The following DNAJB11 variants were observed in gnomAD, a reference collection of about 807,000 sequenced individuals.
DNAJB11 encodes DnaJ heat shock protein family (Hsp40) member B11.
In DNAJB11, 30 loss-of-function variants were observed where a neutral mutation model predicts 47.2. That is an observed-to-expected ratio of 0.64 (90% confidence interval 0.48 to 0.86). DNAJB11 has a LOEUF of 0.86. Among genes scored for constraint, DNAJB11 ranks in the 40% least tolerant of loss-of-function variants. DNAJB11 has a pLI of 0.00. For synonymous variants in DNAJB11, 151 were observed against 159.9 expected, an observed-to-expected ratio of 0.94 and a Z score of 0.42; for missense variants, 357 against 440.2, an observed-to-expected ratio of 0.81 and a Z score of 1.69.
At chr3:186,584,983 G>A (rs556420493) in intron 9 of DNAJB11, among the ~76,000 whole-genome samples, 17 of 152,222 alleles carry the variant, frequency 1.1e-4, no homozygotes, top group African/African-American at 4.1e-4. Context: ...GTCCTAAATA[G>A]TAAGAGAAAG....
chr3:186,576,411 T>C (rs1389674780), intron 3 of DNAJB11, among the ~76,000 whole-genome samples: 5 of 152,026 alleles, frequency 3.3e-5, no homozygotes, highest in Non-Finnish European at 4.4e-5. Flanking sequence ...TTTCTGGGAG[T>C]GCTGGGTGGT....
chr3:186,574,411 T>G (rs565126836), intron 2 of DNAJB11, among the ~76,000 whole-genome samples: 1 of 151,994 alleles, frequency 6.6e-6, no homozygotes, highest in Non-Finnish European at 1.5e-5. Flanking sequence ...CATTTATTTG[T>G]GAAGATCAGA....
intron 1 of DNAJB11, 46 bp downstream of exon 1, chr3:186,571,011 T>TA: frequency 1.5e-6 from 1 of 652,330 alleles, no homozygotes; most frequent in Non-Finnish European, 2.5e-6. Context: ...GGGTCAGCCT[T>TA]TGCTGGGGGG....
rs1292214874 is a variant in DNAJB11 at position 186,577,800 on chromosome 3, A to G, written c.456A>G (p.Glu152=). 3.8e-6 allele frequency: 6 copies of G among 1,598,300 alleles called. No homozygotes were observed. The highest frequency in any genetic ancestry group is 5.1e-6 in the Non-Finnish European group (6 of 1,174,560). The change falls in exon 4 of 10, where the codon GAA becomes GAG. Residue 152 remains glutamate (E), a splice_region_variant and synonymous_variant. Coordinates refer to ENST00000265028, the MANE Select transcript of DNAJB11 (RefSeq NM_016306.6). ...AAGTATATGCAGGAAATTTTGTGGAAGTAAGTTCAAACAATATAGCTGTTC... is the reference window on the plus strand; with the variant it reads ...AAGTATATGCAGGAAATTTTGTGGAGGTAAGTTCAAACAATATAGCTGTTC... ...LEEVYAGNFV[E]VVRNKPVARQ...
intron 2 of DNAJB11, among the ~76,000 whole-genome samples, chr3:186,573,953 G>A (rs1295744541): frequency 6.6e-6 from 1 of 152,110 alleles, no homozygotes; most frequent in Non-Finnish European, 1.5e-5. Flanking sequence ...TCATGAAATC[G>A]TGGCTTATTT....
chr3:186,571,022 T>TGGGGGGGGGGGGGG, intron 1 of DNAJB11, 57 bp downstream of exon 1: 1 of 208,302 alleles, frequency 4.8e-6, no homozygotes, highest in Non-Finnish European at 9.4e-6. Context: ...TGCTGGGGGG[T>TGGGGGGGGGGGGGG]GGGAGGGGGT....
At chr3:186,583,997 G>C (rs370017202) in intron 8 of DNAJB11, 21 bp downstream of exon 8, 75 of 1,547,240 alleles carry the variant, frequency 4.8e-5, no homozygotes, top group Non-Finnish European at 5.7e-5. Context: ...CAATTTACTC[G>C]TTCTGCATCC....
At chr3:186,581,906 T>G in intron 5 of DNAJB11, 89 bp from the exon 6 acceptor site, 1 of 1,090,010 alleles carries the variant, frequency 9.2e-7, no homozygotes, top group Non-Finnish European at 1.3e-6. Flanking sequence ...AAGAAAAAGC[T>G]CTGATAAAAT....
At position 186,570,813 on chromosome 3, in the gene DNAJB11, A is replaced by C. The variant is rs1715013700; in HGVS notation, c.-85A>C. On this transcript the variant is annotated 5_prime_UTR_variant, in exon 1 of 10. Transcript: ENST00000265028. ...CGCCCCCCCGGTGTGAGGCGGCCTC[A>C]CAGGGCCGGGTGGGCTGGCGAGCCG... The C allele has an allele frequency of 4.4e-6, 6 of 1,368,550 alleles. No homozygotes were observed. The Admixed American group carries it at 1.0e-4, about 24-fold the overall frequency. 84.8% of individuals were successfully genotyped at this position (1,368,550 alleles called of 1,614,324 possible). A position where few individuals can be genotyped will look rare whatever the true frequency, so the allele number is the denominator to read the frequency against.
chr3:186,577,643 C>A (rs758477757), intron 3 of DNAJB11, 25 bp from the exon 4 acceptor site: 4 of 1,461,972 alleles, frequency 2.7e-6, no homozygotes, highest in Non-Finnish European at 3.6e-6. Context: ...TTTTTTTTTC[C>A]TGATGATTTT....
At chr3:186,579,879 A>C (rs1429890228) in intron 4 of DNAJB11, 1 of 152,132 alleles carries the variant, frequency 6.6e-6, no homozygotes, top group African/African-American at 2.4e-5. Flanking sequence ...GTTTTCTTGT[A>C]GTTTTTCCAG....
chr3:186,577,754 A>G lies in DNAJB11; in HGVS notation c.410A>G (p.Asp137Gly), dbSNP rs781684270. ...NIPRGSDIIV[D>G]LEVTLEEVYA... ...CCAAGAGGAAGTGATATTATTGTAG[A>G]TCTAGAAGTCACTTTGGAAGAAGTA... The change falls in exon 4 of 10, where the codon GAT (aspartate) becomes GGT (glycine). Residue 137 changes from aspartate (D) to glycine (G), a missense_variant. Asp to Gly is a moderately conservative substitution (Grantham distance 94). Transcript: ENST00000265028. 34 of 1,609,002 alleles carry G rather than the reference A, an allele frequency of 2.1e-5. No individual in the cohort carries two copies. Among genetic ancestry groups the G allele is most frequent in the Non-Finnish European group, 2.6e-5 (31 of 1,177,974 alleles).
rs2108478161 is a variant in DNAJB11, at chr3:186,576,328, A to G, written c.323+391A>G. 1.3e-5 allele frequency among the ~76,000 whole-genome samples: 2 copies of G among 152,342 alleles called. 1 individual carries two copies. Among genetic ancestry groups the G allele is most frequent in the Middle Eastern group, 6.8e-3 (2 of 294 alleles). On this transcript the variant is annotated intron_variant, in intron 3 of 9. Transcript: ENST00000265028. ...CCCAGAGCTGCCTCTCTTTCGTGCT[A>G]TCAACAAGTGAGGGTGATTATAATA...
chr3:186,581,886 A>G, intron 5 of DNAJB11, 109 bp from the exon 6 acceptor site: 1 of 884,460 alleles, frequency 1.1e-6, no homozygotes, highest in South Asian at 1.7e-5. Flanking sequence ...GAGGCACACT[A>G]CAGTCTTCCA....
At chr3:186,584,670 T>A in intron 9 of DNAJB11, 81 bp downstream of exon 9, 1 of 1,337,640 alleles carries the variant, frequency 7.5e-7, no homozygotes, top group Non-Finnish European at 9.7e-7. Flanking sequence ...AGGATGGCAA[T>A]AGAAGAACTC....
rs1213593172 is a variant in DNAJB11 at position 186,583,775 on chromosome 3, G to A, written c.741-90G>A. On this transcript the variant is annotated intron_variant, in intron 7 of 9. Coordinates refer to ENST00000265028, the MANE Select transcript of DNAJB11 (RefSeq NM_016306.6). Reference sequence around the variant, plus strand: ...TCTAAGAAATGTTTATTGTTTGAAAGAGTGGTGTTCACCTTTTTCCAAGAA... The same window carrying A: ...TCTAAGAAATGTTTATTGTTTGAAAAAGTGGTGTTCACCTTTTTCCAAGAA... 5 of 848,790 alleles carry A rather than the reference G, an allele frequency of 5.9e-6. No homozygotes were observed. In the East Asian group the frequency reaches 9.9e-5, roughly 17 times the overall value. 52.6% of individuals were successfully genotyped at this position (848,790 alleles called of 1,614,324 possible). A position where few individuals can be genotyped will look rare whatever the true frequency, so the allele number is the denominator to read the frequency against.
chr3:186,581,347 T>G (rs1715477660), intron 4 of DNAJB11, 24 bp from the exon 5 acceptor site: 1 of 1,612,512 alleles, frequency 6.2e-7, no homozygotes, highest in Non-Finnish European at 8.5e-7. Flanking sequence ...AGAGAGAAGC[T>G]GATGTTGTTT....
chr3:186,571,086 T>G, intron 1 of DNAJB11, 121 bp downstream of exon 1: 39 of 853,958 alleles, frequency 4.6e-5, no homozygotes, highest in East Asian at 1.5e-4. Flanking sequence ...CGCTGTGGGT[T>G]GGCGGGGTGG....
rs192676872 is a variant in DNAJB11, at chr3:186,570,737, C to A, written c.-161C>A. 4 of 663,820 alleles carry A rather than the reference C, an allele frequency of 6.0e-6. No homozygotes were observed. The East Asian group carries it at 1.2e-4, about 20-fold the overall frequency. 41.1% of individuals were successfully genotyped at this position (663,820 alleles called of 1,614,324 possible). The stretch of plus-strand genomic sequence containing the variant: ...GACTCGGGACTCCCGGGAAGTGGAC[C>A]GGCAGAAGAGGGGGCTAGCTAGCTG... On this transcript the variant is annotated 5_prime_UTR_variant, in exon 1 of 10. Transcript: ENST00000265028.
Sources: allele counts gnomAD v4.1 joint callset (sites outside exome capture counted in the v4.1 genomes callset), GRCh38; gene constraint gnomAD v4.1.1; transcripts MANE v1.5; gene names NCBI Gene and HGNC (gene_info 2026-07-23, HGNC 2026-07-21).